The following LRP2 variants were observed in gnomAD, a reference collection of about 807,000 sequenced individuals.
LRP2 encodes LDL receptor related protein 2.
LRP2 carries 172 observed loss-of-function variants against 531.0 expected under a neutral mutation model. That is an observed-to-expected ratio of 0.32 (90% CI 0.29 to 0.37). The LOEUF (loss-of-function observed/expected upper bound fraction) is 0.37. Ranked by LOEUF, LRP2 falls within the 10% of genes least tolerant of loss-of-function variation. The probability of loss-of-function intolerance (pLI) is 1.00; values close to 1 mark genes in which losing one functional copy is unlikely to be tolerated. For synonymous variants in LRP2, 1,992 were observed against 2,027.6 expected (o/e 0.98, Z 0.47); for missense variants, 5,167 against 5,868.3 (o/e 0.88, Z 3.90).
chr2:169,322,829 C>T (rs1684942468), intron 1 of LRP2, among the ~76,000 whole-genome samples: 8 of 151,942 alleles, frequency 5.3e-5, no homozygotes, highest in Admixed American at 5.2e-4. Flanking sequence ...TTTCATATTG[C>T]TATGGAGAAA....
chr2:169,305,661 A>G (rs1312982002), intron 4 of LRP2, among the ~76,000 whole-genome samples: 1 of 152,234 alleles, frequency 6.6e-6, no homozygotes, highest in Non-Finnish European at 1.5e-5. Flanking sequence ...GAATACTGGG[A>G]TAATTTCTTG....
intron 24 of LRP2, among the ~76,000 whole-genome samples, chr2:169,241,885 C>A (rs1198107835): frequency 1.3e-5 from 2 of 152,180 alleles, no homozygotes; most frequent in Non-Finnish European, 2.9e-5. Flanking sequence ...TGCAAACTTT[C>A]CACTATTCAT....
chr2:169,288,700 T>C (rs1683921446), intron 9 of LRP2, among the ~76,000 whole-genome samples: 1 of 152,172 alleles, frequency 6.6e-6, no homozygotes, highest in African/African-American at 2.4e-5. Context: ...CAGTATTCAA[T>C]AACCAGTATG....
At chr2:169,344,864 A>G (rs1685656847) in intron 1 of LRP2, among the ~76,000 whole-genome samples, 1 of 152,144 alleles carries the variant, frequency 6.6e-6, no homozygotes, top group Non-Finnish European at 1.5e-5. Context: ...CCATATATTA[A>G]AAGTTTCCCT....
chr2:169,267,655 A>G (rs542851690), intron 16 of LRP2, among the ~76,000 whole-genome samples: 282 of 152,350 alleles, frequency 1.9e-3, no homozygotes, highest in Non-Finnish European at 3.0e-3. Flanking sequence ...AGAAAGCAGT[A>G]GAGATCTAAA....
At chr2:169,137,957 T>C (rs1223149233) in intron 75 of LRP2, among the ~76,000 whole-genome samples, 1 of 152,200 alleles carries the variant, frequency 6.6e-6, no homozygotes, top group East Asian at 1.9e-4. Context: ...GGTTTCCCAA[T>C]ACTGATTACA....
At chr2:169,131,953 C>T (rs900745477) in intron 77 of LRP2, among the ~76,000 whole-genome samples, 1 of 152,010 alleles carries the variant, frequency 6.6e-6, no homozygotes, top group Non-Finnish European at 1.5e-5. Flanking sequence ...AATAGTGTAC[C>T]AATTGCAAAG....
chr2:169,191,602 C>T (rs1687829833), intron 48 of LRP2, among the ~76,000 whole-genome samples: 1 of 151,756 alleles, frequency 6.6e-6, no homozygotes, highest in South Asian at 2.1e-4. Context: ...CATTTTAATG[C>T]AATCATATTG....
At chr2:169,148,619 C>A (rs1686008318) in intron 68 of LRP2, among the ~76,000 whole-genome samples, 1 of 151,674 alleles carries the variant, frequency 6.6e-6, no homozygotes, top group South Asian at 2.1e-4. Context: ...CAGAGCAAGA[C>A]CCTGTCTATA....
chr2:169,193,927 G>A, intron 46 of LRP2, 35 bp from the exon 47 acceptor site: 1 of 1,613,768 alleles, frequency 6.2e-7, no homozygotes, highest in Non-Finnish European at 8.5e-7. Flanking sequence ...GTGAAAAAAA[G>A]TGGTTTACAG....
intron 50 of LRP2, among the ~76,000 whole-genome samples, chr2:169,184,487 T>TACAGCATAC (rs1350511534): frequency 5.3e-5 from 8 of 152,180 alleles, no homozygotes; most frequent in African/African-American, 1.9e-4. Context: ...CAAGAATCTT[T>TACAGCATAC]ACAGCATACA....
intron 62 of LRP2, 45 bp downstream of exon 62, chr2:169,165,887 C>T (rs755751445): frequency 3.7e-6 from 6 of 1,612,768 alleles, no homozygotes; most frequent in Non-Finnish European, 5.1e-6. Flanking sequence ...CTGCAGACCA[C>T]TTGGGGTCCT....
At chr2:169,229,798 T>C (rs1414752396) in intron 31 of LRP2, among the ~76,000 whole-genome samples, 2 of 152,228 alleles carry the variant, frequency 1.3e-5, no homozygotes, top group Non-Finnish European at 2.9e-5. Flanking sequence ...GTGCAATATC[T>C]GCTTCTTTTA....
intron 58 of LRP2, among the ~76,000 whole-genome samples, chr2:169,171,114 G>A (rs1201066514): frequency 6.6e-6 from 1 of 151,500 alleles, no homozygotes; most frequent in Admixed American, 6.6e-5. Flanking sequence ...CCTCTTATAG[G>A]ATTCAACATT....
intron 24 of LRP2, among the ~76,000 whole-genome samples, chr2:169,242,446 C>T (rs866225883): frequency 6.6e-6 from 1 of 152,204 alleles, no homozygotes; most frequent in Non-Finnish European, 1.5e-5. Context: ...TTGTAACTGT[C>T]TATCTTGCTT....
At chr2:169,348,975 G>A (rs1559086894) in intron 1 of LRP2, among the ~76,000 whole-genome samples, 2 of 152,152 alleles carry the variant, frequency 1.3e-5, no homozygotes, top group Admixed American at 6.5e-5. Flanking sequence ...GAATGGTGAT[G>A]AGCTGAGGAT....
rs533964308 is a variant in LRP2 at position 169,289,006 on chromosome 2, C to T, written c.1042+20G>A. 7.4e-6 allele frequency: 12 copies of T among 1,613,360 alleles called. No homozygotes were observed. Among genetic ancestry groups the T allele is most frequent in the African/African-American group, 1.3e-5 (1 of 74,856 alleles). ...TGTACTGTAATGAAAGACAAGTAGC[C>T]GCCGCCCCCCATCACTTACCAACAC... On this transcript the variant is annotated intron_variant, in intron 9 of 78. Transcript: ENST00000649046.
At chr2:169,223,407 G>A (rs1435112483) in intron 33 of LRP2, among the ~76,000 whole-genome samples, 1 of 152,196 alleles carries the variant, frequency 6.6e-6, no homozygotes, top group Admixed American at 6.6e-5. Context: ...GAGACAAAGA[G>A]ATAAAATAAG....
intron 19 of LRP2, among the ~76,000 whole-genome samples, chr2:169,254,902 G>A (rs1690241991): frequency 6.6e-6 from 1 of 151,994 alleles, no homozygotes; most frequent in Admixed American, 6.6e-5. Context: ...GATGGCAGCG[G>A]CGGGAGGGGG....
Sources: gnomAD v4.1 joint callset for allele counts (sites outside exome capture counted in the v4.1 genomes callset) on GRCh38, gnomAD v4.1.1 for gene constraint, MANE v1.5 for transcripts, NCBI Gene and HGNC (gene_info 2026-07-23, HGNC 2026-07-21) for gene names.